The following PRKD1 variants were observed in gnomAD, a reference collection of about 807,000 sequenced individuals.
PRKD1 encodes the protein protein kinase D1, also known as serine/threonine-protein kinase D1.
In PRKD1, 63 loss-of-function variants were observed where a neutral mutation model predicts 95.9. The observed-to-expected ratio is 0.66, with a 90% CI of 0.54 to 0.81. PRKD1 has a LOEUF of 0.81. Ranked by LOEUF, PRKD1 falls within the 30% of genes least tolerant of loss-of-function variation. The pLI, the probability that PRKD1 is intolerant of heterozygous loss-of-function variation, is 0.00. For missense variants in PRKD1, 1,048 were observed against 1,165.3 expected (o/e 0.90, Z 1.47); for synonymous variants, 425 against 423.1 (o/e 1.00, Z -0.05).
At chr14:29,700,986 G>GCACACACACA (rs779729017) in intron 2 of PRKD1, among the ~76,000 whole-genome samples, 4 of 52,316 alleles carry the variant, frequency 7.6e-5, no homozygotes, top group African/African-American at 2.6e-4. Context: ...GCGCGCGCGC[G>GCACACACACA]CGCACACACA....
chr14:29,734,919 A>T (rs1481538998), intron 1 of PRKD1, among the ~76,000 whole-genome samples: 1 of 151,952 alleles, frequency 6.6e-6, no homozygotes, highest in African/African-American at 2.4e-5. Flanking sequence ...CCCTTTCTAT[A>T]CTACACTCTG....
intron 1 of PRKD1, among the ~76,000 whole-genome samples, chr14:29,727,957 C>A (rs1396380521): frequency 1.4e-5 from 2 of 146,986 alleles, no homozygotes; most frequent in East Asian, 4.1e-4. Flanking sequence ...GGGAATTGAA[C>A]AATGAGAATA....
chr14:29,738,522 G>A (rs1267612866), intron 1 of PRKD1, among the ~76,000 whole-genome samples: 1 of 152,174 alleles, frequency 6.6e-6, no homozygotes, highest in Non-Finnish European at 1.5e-5. Context: ...AATCTGATTT[G>A]TGAAGATAAA....
At chr14:29,809,167 G>A (rs943379718) in intron 1 of PRKD1, among the ~76,000 whole-genome samples, 13 of 152,190 alleles carry the variant, frequency 8.5e-5, no homozygotes, top group South Asian at 4.1e-4. Context: ...AGTCTTAACC[G>A]TGGCTTAAAA....
intron 4 of PRKD1, among the ~76,000 whole-genome samples, chr14:29,663,086 A>G (rs1882274236): frequency 1.4e-5 from 2 of 146,406 alleles, no homozygotes; most frequent in Non-Finnish European, 3.0e-5. Flanking sequence ...TATAAAATAT[A>G]TACTATATAA....
intron 2 of PRKD1, among the ~76,000 whole-genome samples, chr14:29,679,325 T>C (rs191268555): frequency 2.0e-3 from 307 of 152,294 alleles, no homozygotes; most frequent in African/African-American, 7.0e-3. Context: ...TTACATTTGG[T>C]AGAGCTTTGA....
At chr14:29,680,518 C>T (rs1284156683) in intron 2 of PRKD1, among the ~76,000 whole-genome samples, 3 of 152,108 alleles carry the variant, frequency 2.0e-5, no homozygotes, top group Admixed American at 6.6e-5. Flanking sequence ...AATATGACTC[C>T]GTTTGTTGTT....
chr14:29,791,274 T>C (rs546119406), intron 1 of PRKD1, among the ~76,000 whole-genome samples: 10 of 152,198 alleles, frequency 6.6e-5, no homozygotes, highest in Non-Finnish European at 1.3e-4. Context: ...CCAAGCAACA[T>C]GATAGGTGCT....
Position 29,781,151 on chromosome 14 carries a change from A to T in PRKD1, c.265-55477T>A, listed in dbSNP as rs1225508798. On this transcript the variant is annotated intron_variant, in intron 1 of 17. Transcript: ENST00000331968. ...CTGGGGCCTGTCGTGGGGTGGGGGG[A>T]GGGAGGAGGGATAGCATTAGGAGAT... 8.2e-4 allele frequency among the ~76,000 whole-genome samples: 71 copies of T among 86,406 alleles called. No homozygotes were observed. The East Asian group carries it at 0.026, about 31-fold the overall frequency. 56.7% of individuals were successfully genotyped at this position (86,406 alleles called of 152,430 possible). A position where few individuals can be genotyped will look rare whatever the true frequency, so the allele number is the denominator to read the frequency against.
At chr14:29,692,334 A>G (rs897714464) in intron 2 of PRKD1, among the ~76,000 whole-genome samples, 1 of 152,104 alleles carries the variant, frequency 6.6e-6, no homozygotes, top group Non-Finnish European at 1.5e-5. Context: ...CTTACTGTGT[A>G]GACAGTTAAA....
At chr14:29,590,293 C>T (rs144492600) in intron 16 of PRKD1, among the ~76,000 whole-genome samples, 1 of 152,244 alleles carries the variant, frequency 6.6e-6, no homozygotes, top group Non-Finnish European at 1.5e-5. Flanking sequence ...CCCAATTAAT[C>T]TGGATATGTT....
In PRKD1 at chr14:29,657,026, A is replaced by G. The variant is rs576253195; in HGVS notation, c.696+6673T>C. Among the ~76,000 whole-genome samples the G allele has an allele frequency of 3.5e-4, 54 of 152,336 alleles. 1 individual carries two copies. The highest frequency in any genetic ancestry group is 1.3e-3 in the African/African-American group (53 of 41,582). On this transcript the variant is annotated intron_variant, in intron 4 of 17. Transcript: ENST00000331968. ...AGCAGTCAGTGGTTTCCAAACCTAG[A>G]AAGTCCAATAGCGGGTTAGAGTTTT...
chr14:29,685,756 G>A (rs1883825885), intron 2 of PRKD1, among the ~76,000 whole-genome samples: 1 of 151,854 alleles, frequency 6.6e-6, no homozygotes, highest in Admixed American at 6.6e-5. Flanking sequence ...GTGTGTGTGT[G>A]TACAGTCTTT....
intron 1 of PRKD1, among the ~76,000 whole-genome samples, chr14:29,852,979 C>A (rs1044718573): frequency 6.6e-6 from 1 of 152,010 alleles, no homozygotes; most frequent in Non-Finnish European, 1.5e-5. Context: ...AACTATATTC[C>A]GTCTACATGA....
chr14:29,671,331 A>G (rs1566528521), intron 2 of PRKD1, among the ~76,000 whole-genome samples: 2 of 152,152 alleles, frequency 1.3e-5, no homozygotes, highest in Non-Finnish European at 2.9e-5. Flanking sequence ...CAGCAGAAGG[A>G]CCAGCACAGA....
chr14:29,609,017 T>C (rs568222578), intron 13 of PRKD1, among the ~76,000 whole-genome samples: 1 of 152,066 alleles, frequency 6.6e-6, no homozygotes, highest in Non-Finnish European at 1.5e-5. Flanking sequence ...AATAGAACAA[T>C]CCACCCTCTT....
At chr14:29,673,549 C>G (rs1252503549) in intron 2 of PRKD1, among the ~76,000 whole-genome samples, 1 of 152,210 alleles carries the variant, frequency 6.6e-6, no homozygotes, top group Non-Finnish European at 1.5e-5. Context: ...AAATGTATCA[C>G]TGAATATTGC....
In PRKD1 at chr14:29,725,572, T is replaced by C. The variant is rs888840499; in HGVS notation, c.367A>G (p.Ile123Val). ...ACTTCAATAAGATCGCCTTCCTGGA[T>C]ATCACTGGCCGCTTTCACCAGCTGA... Reference protein sequence around the residue: ...ILQLVKAASDIQEGDLIEVVL... With the variant: ...ILQLVKAASDVQEGDLIEVVL... The change falls in exon 2 of 18, where the codon ATC becomes GTC. Residue 123 changes from isoleucine (I) to valine (V), a missense_variant. By Grantham distance (29) the Ile-to-Val change is conservative. Coordinates refer to ENST00000331968, the MANE Select transcript of PRKD1 (RefSeq NM_002742.3). The C allele has an allele frequency of 1.2e-6, 2 of 1,613,810 alleles. No homozygotes were observed. Among genetic ancestry groups the C allele is most frequent in the Non-Finnish European group, 1.7e-6 (2 of 1,179,784 alleles).
intron 2 of PRKD1, 44 bp from the exon 3 acceptor site, chr14:29,666,252 T>C (rs1566525419): frequency 6.5e-7 from 1 of 1,544,270 alleles, no homozygotes; most frequent in Admixed American, 1.7e-5. Context: ...ATAGGCACTC[T>C]GATCTGTAAA....
Sources: allele counts gnomAD v4.1 joint callset (sites outside exome capture counted in the v4.1 genomes callset), GRCh38; gene constraint gnomAD v4.1.1; transcripts MANE v1.5; gene names NCBI Gene and HGNC (gene_info 2026-07-23, HGNC 2026-07-21).